The following EIF2B3 variants were observed in gnomAD, a reference collection of about 807,000 sequenced individuals.
EIF2B3 encodes the protein translation initiation factor eIF2B subunit gamma.
Under a neutral mutation model 54.1 loss-of-function variants are expected in EIF2B3, and 20 were observed. That is an observed-to-expected ratio of 0.37 (90% CI 0.26 to 0.54). The LOEUF (loss-of-function observed/expected upper bound fraction) is 0.54. Among genes scored for constraint, EIF2B3 ranks in the 20% least tolerant of loss-of-function variants. EIF2B3 has a pLI of 0.86. For synonymous variants in EIF2B3, 153 were observed against 188.1 expected (o/e 0.81, Z 1.52); for missense variants, 448 against 547.8 (o/e 0.82, Z 1.82).
intron 10 of EIF2B3, among the ~76,000 whole-genome samples, chr1:44,868,725 G>T (rs146157805): frequency 0.011 from 1,737 of 152,230 alleles, 17 homozygotes; most frequent in African/African-American, 0.024. Context: ...TCTGAGAGAA[G>T]GGAAGCTACA....
At chr1:44,934,196 G>C (rs1569771878) in intron 4 of EIF2B3, among the ~76,000 whole-genome samples, 1 of 151,996 alleles carries the variant, frequency 6.6e-6, no homozygotes, top group Non-Finnish European at 1.5e-5. Flanking sequence ...AGGAGTTCAA[G>C]ACCAGCCTGG....
chr1:44,985,520 C>T (rs1644564616), intron 1 of EIF2B3, among the ~76,000 whole-genome samples: 1 of 152,176 alleles, frequency 6.6e-6, no homozygotes. Context: ...TGCATCATCA[C>T]TGTATTCCCA....
intron 5 of EIF2B3, among the ~76,000 whole-genome samples, chr1:44,899,488 A>G (rs1656101220): frequency 6.6e-6 from 1 of 152,224 alleles, no homozygotes; most frequent in Admixed American, 6.5e-5. Flanking sequence ...CAAGCAAAAA[A>G]CAACCCCATT....
intron 5 of EIF2B3, among the ~76,000 whole-genome samples, chr1:44,901,550 CTTT>C (rs36059931): frequency 3.6e-4 from 40 of 111,570 alleles, no homozygotes; most frequent in Non-Finnish European, 5.2e-4. Flanking sequence ...TGGGCCTGGC[CTTT>C]TTTTTTTTTT....
chr1:44,948,840 T>C (rs1447818783), intron 3 of EIF2B3, among the ~76,000 whole-genome samples: 2 of 150,974 alleles, frequency 1.3e-5, no homozygotes, highest in African/African-American at 4.9e-5. Context: ...TAGCCAATGT[T>C]AACTTTTTCT....
intron 5 of EIF2B3, among the ~76,000 whole-genome samples, chr1:44,911,456 C>T (rs186449840): frequency 1.4e-3 from 215 of 152,316 alleles, no homozygotes; most frequent in Middle Eastern, 0.01. Flanking sequence ...AGGAAAAAGA[C>T]ACATCCACCT....
At chr1:44,903,724 G>GC (rs1643359307) in intron 5 of EIF2B3, among the ~76,000 whole-genome samples, 1 of 152,214 alleles carries the variant, frequency 6.6e-6, no homozygotes, top group Non-Finnish European at 1.5e-5. Flanking sequence ...GAACTGGTAT[G>GC]CATGTTGATA....
At chr1:44,871,874 C>CTTTTTTTT (rs71040515) in intron 10 of EIF2B3, among the ~76,000 whole-genome samples, 1 of 118,910 alleles carries the variant, frequency 8.4e-6, no homozygotes, top group Non-Finnish European at 1.7e-5. Context: ...ACTTCACAAT[C>CTTTTTTTT]TTTTTTTTTT....
Position 44,850,895 on chromosome 1 carries a change from C to T in EIF2B3, c.*56G>A, listed in dbSNP as rs1349585183. 23 of 1,582,682 alleles carry T rather than the reference C, an allele frequency of 1.5e-5. No individual in the cohort carries two copies. The highest frequency in any genetic ancestry group is 2.7e-5 in the African/African-American group (2 of 74,184). ...TAAATACAGAGTTAAACAGGTGGGC[C>T]GGCCAACATCTGTGGCTTTGGAGGC... On this transcript the variant is annotated 3_prime_UTR_variant, in exon 12 of 12. Coordinates refer to ENST00000360403, the MANE Select transcript of EIF2B3 (RefSeq NM_020365.5).
At chr1:44,942,339 G>A (rs1292502378) in intron 3 of EIF2B3, among the ~76,000 whole-genome samples, 3 of 112,766 alleles carry the variant, frequency 2.7e-5, no homozygotes, top group Non-Finnish European at 5.1e-5. Flanking sequence ...ATAAATCAAC[G>A]AAGAAAAGGT....
intron 6 of EIF2B3, among the ~76,000 whole-genome samples, chr1:44,891,074 T>TG (rs1417592971): frequency 6.8e-6 from 1 of 147,562 alleles, no homozygotes; most frequent in Non-Finnish European, 1.5e-5. Context: ...ATACGGTAGA[T>TG]GGGAAAAAAA....
intron 4 of EIF2B3, among the ~76,000 whole-genome samples, chr1:44,935,945 T>C (rs922900067): frequency 6.6e-6 from 1 of 151,938 alleles, no homozygotes; most frequent in Non-Finnish European, 1.5e-5. Flanking sequence ...ATTTTGGTTT[T>C]TTTTTTTTTC....
At chr1:44,857,527 G>GA (rs200709551) in intron 11 of EIF2B3, among the ~76,000 whole-genome samples, 177 bp downstream of exon 11, 1,903 of 134,736 alleles carry the variant, frequency 0.014, 39 homozygotes, top group East Asian at 0.13. Context: ...GTGAAACTCC[G>GA]AAAAAAAAAA....
intron 4 of EIF2B3, among the ~76,000 whole-genome samples, chr1:44,939,756 C>T (rs1290398065): frequency 6.6e-6 from 1 of 151,426 alleles, no homozygotes; most frequent in Non-Finnish European, 1.5e-5. Flanking sequence ...TTTATCAATG[C>T]CTATGAAAAG....
chr1:44,881,335 G>A lies in EIF2B3; in HGVS notation c.784+277C>T, dbSNP rs1286685131. On this transcript the variant is annotated intron_variant, in intron 7 of 11. Coordinates refer to ENST00000360403, the MANE Select transcript of EIF2B3 (RefSeq NM_020365.5). This position sits in a 1 kb window ranked among gnomAD's most constrained non-coding sequence, Gnocchi z 4.0. ...AAGAAGTGGCAGGTGGAGTTTAAAG[G>A]CAAAATGGTCTAGTGAGGAACACAG... 2.6e-5 allele frequency among the ~76,000 whole-genome samples: 4 copies of A among 152,204 alleles called. No individual in the cohort carries two copies. Among genetic ancestry groups the A allele is most frequent in the Admixed American group, 1.3e-4 (2 of 15,290 alleles).
At chr1:44,904,328 A>G (rs1557678882) in intron 5 of EIF2B3, among the ~76,000 whole-genome samples, 1 of 152,182 alleles carries the variant, frequency 6.6e-6, no homozygotes, top group Admixed American at 6.5e-5. Flanking sequence ...AGTGTCATGG[A>G]TGGCTTCTGA....
intron 1 of EIF2B3, among the ~76,000 whole-genome samples, chr1:44,984,971 T>C (rs1055794957): frequency 2.0e-5 from 3 of 147,510 alleles, no homozygotes; most frequent in Non-Finnish European, 3.0e-5. Flanking sequence ...CGCGCCCGGC[T>C]AATTTTTTGT....
intron 11 of EIF2B3, among the ~76,000 whole-genome samples, chr1:44,856,021 A>G (rs147469457): frequency 0.014 from 2,088 of 152,274 alleles, 20 homozygotes; most frequent in Middle Eastern, 0.044. Context: ...TACAAAGGAG[A>G]AAACACTTGG....
chr1:44,851,976 T>G (rs1392942800), intron 11 of EIF2B3, among the ~76,000 whole-genome samples: 8 of 149,920 alleles, frequency 5.3e-5, no homozygotes, highest in Non-Finnish European at 5.9e-5. Context: ...TGAGATGGAG[T>G]CTTGCTTTGT....
Sources: gnomAD v4.1 joint callset for allele counts (sites outside exome capture counted in the v4.1 genomes callset) on GRCh38, gnomAD v4.1.1 for gene constraint, Gnocchi (gnomAD v3.1) non-coding constraint, MANE v1.5 for transcripts, NCBI Gene and HGNC (gene_info 2026-07-23, HGNC 2026-07-21) for gene names.